NEK1: variants seen among roughly 807,000 people sequenced by gnomAD.
NEK1 encodes NIMA related kinase 1, also known as serine/threonine-protein kinase Nek1.
Under a neutral mutation model 182.1 loss-of-function variants are expected in NEK1, and 137 were observed. The ratio of observed to expected loss-of-function variants is 0.75; its 90% confidence interval spans 0.65 to 0.87. NEK1 has a LOEUF of 0.87. Among genes scored for constraint, NEK1 ranks in the 40% least tolerant of loss-of-function variants. NEK1 has a pLI of 0.00. For missense variants in NEK1, 1,391 were observed against 1,494.4 expected (o/e 0.93, Z 1.14); for synonymous variants, 513 against 492.2 (o/e 1.04, Z -0.56).
At chr4:169,496,645 G>T (rs2149641457) in intron 23 of NEK1, among the ~76,000 whole-genome samples, 1 of 149,160 alleles carries the variant, frequency 6.7e-6, no homozygotes, top group South Asian at 2.1e-4. Context: ...GGCCTTTTCT[G>T]CATCTATTGA....
At chr4:169,525,398 G>A (rs958137323) in intron 19 of NEK1, among the ~76,000 whole-genome samples, 1 of 152,038 alleles carries the variant, frequency 6.6e-6, no homozygotes, top group African/African-American at 2.4e-5. Context: ...CCAAAGTGCT[G>A]GGATTACAGG....
chr4:169,497,087 T>C (rs1432216746), intron 23 of NEK1, among the ~76,000 whole-genome samples: 5 of 152,218 alleles, frequency 3.3e-5, no homozygotes, highest in Admixed American at 3.3e-4. Flanking sequence ...TCAGAGCCTG[T>C]TATTGGTCTA....
intron 11 of NEK1, 45 bp downstream of exon 11, chr4:169,580,797 G>T: frequency 2.7e-6 from 3 of 1,128,658 alleles, no homozygotes; most frequent in South Asian, 1.3e-5. Context: ...AATTAGGGTT[G>T]ATTATTGCAA....
intron 18 of NEK1, among the ~76,000 whole-genome samples, chr4:169,544,793 AT>A (rs2149846389): frequency 6.6e-6 from 1 of 150,808 alleles, no homozygotes; most frequent in East Asian, 2.0e-4. Flanking sequence ...GTATTCTCTG[AT>A]GGTAGTTTGT....
chr4:169,423,975 T>C (rs894490133), intron 31 of NEK1, among the ~76,000 whole-genome samples: 1 of 152,164 alleles, frequency 6.6e-6, no homozygotes, highest in Non-Finnish European at 1.5e-5. Flanking sequence ...TAAAATCTTA[T>C]TTTGGTAAAA....
rs542687654 is a variant in NEK1 at position 169,456,082 on chromosome 4, A to G, written c.2587+7161T>C. Among the ~76,000 whole-genome samples, 4 of 152,308 alleles carry G rather than the reference A, an allele frequency of 2.6e-5. No individual in the cohort carries two copies. The South Asian group carries it at 8.3e-4, about 32-fold the overall frequency. ...AGGAATTTTTGGAAACTATACAAACACATGGAAATTAAACAATATGCTTCT... is the reference window on the plus strand; with the variant it reads ...AGGAATTTTTGGAAACTATACAAACGCATGGAAATTAAACAATATGCTTCT... On this transcript the variant is annotated intron_variant, in intron 27 of 35. Coordinates refer to ENST00000507142, the MANE Select transcript of NEK1 (RefSeq NM_001199397.3).
intron 19 of NEK1, among the ~76,000 whole-genome samples, chr4:169,535,892 A>G (rs891464345): frequency 4.0e-5 from 6 of 151,662 alleles, no homozygotes; most frequent in African/African-American, 9.7e-5. Flanking sequence ...AAAAAAAAAA[A>G]AAAAGAAAAG....
At chr4:169,610,062 G>A (rs1455157217) in intron 2 of NEK1, among the ~76,000 whole-genome samples, 4 of 147,310 alleles carry the variant, frequency 2.7e-5, no homozygotes, top group Non-Finnish European at 4.4e-5. Context: ...CTGTTGCCTA[G>A]GCTGGAATGC....
At chr4:169,560,048 A>G (rs1762685922) in intron 16 of NEK1, among the ~76,000 whole-genome samples, 1 of 152,232 alleles carries the variant, frequency 6.6e-6, no homozygotes, top group Admixed American at 6.5e-5. Context: ...AGTTTATTCA[A>G]TGATACAAAT....
chr4:169,422,412 G>T (rs190666438), intron 31 of NEK1, among the ~76,000 whole-genome samples: 1 of 152,292 alleles, frequency 6.6e-6, no homozygotes, highest in Admixed American at 6.5e-5. Flanking sequence ...ACACGGGTTA[G>T]AGTGGCAAAA....
chr4:169,526,765 T>C (rs1214738187), intron 19 of NEK1, among the ~76,000 whole-genome samples: 1 of 152,176 alleles, frequency 6.6e-6, no homozygotes, highest in Non-Finnish European at 1.5e-5. Flanking sequence ...AAAACACATA[T>C]TGGGTTTAAG....
At chr4:169,488,691 A>G (rs1158731505) in intron 23 of NEK1, among the ~76,000 whole-genome samples, 1 of 152,158 alleles carries the variant, frequency 6.6e-6, no homozygotes, top group African/African-American at 2.4e-5. Flanking sequence ...CTTTACATTA[A>G]TATTTTAGGG....
intron 27 of NEK1, among the ~76,000 whole-genome samples, chr4:169,459,195 C>T (rs151066832): frequency 1.4e-4 from 22 of 152,190 alleles, no homozygotes; most frequent in African/African-American, 4.1e-4. Flanking sequence ...AAATAAAGTA[C>T]CCAATTTAAA....
At chr4:169,559,861 T>C (rs1475885566) in intron 16 of NEK1, among the ~76,000 whole-genome samples, 3 of 151,874 alleles carry the variant, frequency 2.0e-5, no homozygotes, top group African/African-American at 7.3e-5. Flanking sequence ...AATACAAAAT[T>C]AGCTGGGCGT....
At chr4:169,557,652 G>A (rs772317095) in intron 16 of NEK1, among the ~76,000 whole-genome samples, 1 of 152,148 alleles carries the variant, frequency 6.6e-6, no homozygotes, top group Non-Finnish European at 1.5e-5. Flanking sequence ...AGAAACAAAG[G>A]CCAGGCATGG....
Position 169,393,484 on chromosome 4 carries a change from G to A in NEK1, c.*1026C>T, listed in dbSNP as rs1042834179. On this transcript the variant is annotated 3_prime_UTR_variant, in exon 36 of 36. Coordinates refer to ENST00000507142, the MANE Select transcript of NEK1 (RefSeq NM_001199397.3). The stretch of plus-strand genomic sequence containing the variant: ...GGTTCAAAAACTTTGCTTTTATTAC[G>A]AAGAACATCTGGACTGTAGACACCT... The A allele has an allele frequency of 9.2e-5, 14 of 152,020 alleles. No homozygotes were observed. Among genetic ancestry groups the A allele is most frequent in the East Asian group, 1.9e-4 (1 of 5,188 alleles). 9.4% of individuals were successfully genotyped at this position (152,020 alleles called of 1,614,324 possible).
intron 23 of NEK1, among the ~76,000 whole-genome samples, chr4:169,481,203 G>A (rs1427845225): frequency 6.6e-6 from 1 of 152,102 alleles, no homozygotes; most frequent in Admixed American, 6.6e-5. Flanking sequence ...CATCTACACT[G>A]ACTTCCTCCA....
Position 169,403,265 on chromosome 4 carries a change from T to C in NEK1, c.3375-1405A>G, listed in dbSNP as rs546274826. 5.3e-5 allele frequency among the ~76,000 whole-genome samples: 8 copies of C among 152,294 alleles called. No individual in the cohort carries two copies. The East Asian group carries it at 1.5e-3, about 29-fold the overall frequency. On this transcript the variant is annotated intron_variant, in intron 32 of 35. Transcript: ENST00000507142. The stretch of plus-strand genomic sequence containing the variant: ...CCTACTAGTAGCATTTAACTTAATA[T>C]ATAATTACAAGACTAATTTAGGCTG...
intron 26 of NEK1, among the ~76,000 whole-genome samples, chr4:169,469,075 T>G (rs1745458751): frequency 6.6e-6 from 1 of 152,178 alleles, no homozygotes; most frequent in Non-Finnish European, 1.5e-5. Context: ...GCTCCTGGAT[T>G]CACTGATTTT....
Sources: gnomAD v4.1 joint callset for allele counts (sites outside exome capture counted in the v4.1 genomes callset) on GRCh38, gnomAD v4.1.1 for gene constraint, MANE v1.5 for transcripts, NCBI Gene and HGNC (gene_info 2026-07-23, HGNC 2026-07-21) for gene names.